CAV1: variants seen among roughly 807,000 people sequenced by gnomAD.
CAV1 encodes caveolin 1.
In CAV1, 10 loss-of-function variants were observed where a neutral mutation model predicts 16.5. The ratio of observed to expected loss-of-function variants is 0.61; its 90% CI spans 0.37 to 1.03. The LOEUF (loss-of-function observed/expected upper bound fraction) is 1.03, where lower values mean the gene tolerates loss of function less well. Among genes scored for constraint, CAV1 ranks in the 50% least tolerant of loss-of-function variants. The pLI is 0.01. For missense variants in CAV1, 212 were observed against 232.8 expected (o/e 0.91, Z 0.58); for synonymous variants, 76 against 85.1 (o/e 0.89, Z 0.59).
chr7:116,559,009 G>T lies in CAV1; in HGVS notation c.259G>T (p.Ala87Ser). 1 of 1,613,862 alleles carries T rather than the reference G, an allele frequency of 6.2e-7. No homozygotes were observed. Among genetic ancestry groups the T allele is most frequent in the Non-Finnish European group, 8.5e-7 (1 of 1,179,906 alleles). ...ACACAGTTTTGACGGCATTTGGAAG[G>T]CCAGCTTCACCACCTTCACTGTGAC... ...GTHSFDGIWK[A>S]SFTTFTVTKY... The change falls in exon 3 of 3, where the codon GCC becomes TCC. Residue 87 changes from alanine to serine, a missense_variant. By Grantham distance (99) the Ala-to-Ser change is moderately conservative. Coordinates refer to ENST00000341049, the MANE Select transcript of CAV1 (RefSeq NM_001753.5).
chr7:116,559,348 A>G lies in CAV1; in HGVS notation c.*61A>G. 3.9e-6 allele frequency: 5 copies of G among 1,269,808 alleles called. No homozygotes were observed. Among genetic ancestry groups the G allele is most frequent in the East Asian group, 2.4e-5 (1 of 41,828 alleles). The allele number at this position is 1,269,808 out of a possible 1,614,324, so 78.7% of individuals were successfully genotyped here. On this transcript the variant is annotated 3_prime_UTR_variant, in exon 3 of 3. Transcript: ENST00000341049. ...TTTCCTTTTAATTTTCCTGGTGCCAATTTCAAGTTCCAAGTTGCTAATACA... is the reference window on the plus strand; with the variant it reads ...TTTCCTTTTAATTTTCCTGGTGCCAGTTTCAAGTTCCAAGTTGCTAATACA...
chr7:116,555,270 C>T (rs1253588632), intron 2 of CAV1, among the ~76,000 whole-genome samples: 1 of 151,540 alleles, frequency 6.6e-6, no homozygotes, highest in East Asian at 1.9e-4. Flanking sequence ...TAGTGAGACC[C>T]TCTCATCTCT....
At chr7:116,525,185 C>T in intron 1 of CAV1, 93 bp downstream of exon 1, 1 of 1,613,942 alleles carries the variant, frequency 6.2e-7, no homozygotes, top group Non-Finnish European at 8.5e-7. Flanking sequence ...CTGCCCTGGC[C>T]CCAGCCCTCT....
At position 116,533,211 on chromosome 7, in the gene CAV1, G is replaced by A. The variant is rs191554138; in HGVS notation, c.195+6522G>A. On this transcript the variant is annotated intron_variant, in intron 2 of 2. Transcript: ENST00000341049. ...AAAAATTAGCTGGGTGTGGTAGCGC[G>A]TGTTTAATCCCAGCTACTGGGGAAG... 3.3e-5 allele frequency among the ~76,000 whole-genome samples: 5 copies of A among 152,046 alleles called. No individual in the cohort carries two copies. The East Asian group carries it at 5.8e-4, about 18-fold the overall frequency.
chr7:116,554,362 A>G (rs181696381), intron 2 of CAV1, among the ~76,000 whole-genome samples: 2 of 152,298 alleles, frequency 1.3e-5, no homozygotes, highest in Non-Finnish European at 2.9e-5. Context: ...ATAAACTCAC[A>G]CAGAGATACC....
intron 2 of CAV1, among the ~76,000 whole-genome samples, chr7:116,551,575 G>T (rs1794163181): frequency 6.6e-6 from 1 of 152,148 alleles, no homozygotes; most frequent in African/African-American, 2.4e-5. Flanking sequence ...ATAGAAAAGG[G>T]CAAGGAAGTA....
intron 1 of CAV1, 177 bp downstream of exon 1, chr7:116,525,269 A>C: frequency 6.3e-7 from 1 of 1,584,426 alleles, no homozygotes; most frequent in Non-Finnish European, 8.6e-7. Flanking sequence ...AAGAGAAGCC[A>C]GGAATGTTTT....
intron 2 of CAV1, among the ~76,000 whole-genome samples, chr7:116,530,987 A>G (rs1209524160): frequency 6.6e-6 from 1 of 152,242 alleles, no homozygotes; most frequent in Admixed American, 6.5e-5. Context: ...ATGTGAAATG[A>G]AGACAATGCG....
At chr7:116,529,677 A>G (rs1053827063) in intron 2 of CAV1, among the ~76,000 whole-genome samples, 1 of 152,208 alleles carries the variant, frequency 6.6e-6, no homozygotes, top group African/African-American at 2.4e-5. Flanking sequence ...CAGCATTATT[A>G]CCTATTTTAC....
intron 2 of CAV1, among the ~76,000 whole-genome samples, chr7:116,536,725 C>T (rs1178065712): frequency 2.6e-5 from 4 of 152,148 alleles, no homozygotes; most frequent in Non-Finnish European, 4.4e-5. Flanking sequence ...CCATTAAGGC[C>T]GGGCGCGGTG....
At chr7:116,555,236 C>T (rs1053285561) in intron 2 of CAV1, among the ~76,000 whole-genome samples, 1 of 151,750 alleles carries the variant, frequency 6.6e-6, no homozygotes, top group Non-Finnish European at 1.5e-5. Flanking sequence ...TGAGCTCAGG[C>T]GTTCAACATC....
At chr7:116,541,428 G>A (rs1793933094) in intron 2 of CAV1, among the ~76,000 whole-genome samples, 1 of 152,120 alleles carries the variant, frequency 6.6e-6, no homozygotes, top group Non-Finnish European at 1.5e-5. Flanking sequence ...TAATAGGAAA[G>A]GCTAGCACAC....
intron 2 of CAV1, among the ~76,000 whole-genome samples, chr7:116,527,989 A>T (rs369899461): frequency 6.6e-6 from 1 of 151,420 alleles, no homozygotes; most frequent in Non-Finnish European, 1.5e-5. Flanking sequence ...CAACAGCAAC[A>T]AAAGTACCTT....
rs1011949505 is a variant in CAV1, at chr7:116,528,841, A to T, written c.195+2152A>T. Reference sequence around the variant, plus strand: ...TTTATTTTTATTTATTTATTTATTTATTTTTTGAGACGGAGTCTCACTCTG... The same window carrying T: ...TTTATTTTTATTTATTTATTTATTTTTTTTTTGAGACGGAGTCTCACTCTG... On this transcript the variant is annotated intron_variant, in intron 2 of 2. Coordinates refer to ENST00000341049, the MANE Select transcript of CAV1 (RefSeq NM_001753.5). Among the ~76,000 whole-genome samples, 11 of 151,746 alleles carry T rather than the reference A, an allele frequency of 7.2e-5. 1 individual carries two copies. In the East Asian group the frequency reaches 9.7e-4, roughly 13 times the overall value.
At chr7:116,546,702 A>AAAAAAAAAATAATAAAT (rs1554356432) in intron 2 of CAV1, among the ~76,000 whole-genome samples, 2 of 142,952 alleles carry the variant, frequency 1.4e-5, no homozygotes, top group Non-Finnish European at 3.1e-5. Context: ...TGTCACAAAA[A>AAAAAAAAAATAATAAAT]AAAAAAAAAA....
chr7:116,528,026 A>G (rs1452834589), intron 2 of CAV1, among the ~76,000 whole-genome samples: 3 of 151,682 alleles, frequency 2.0e-5, no homozygotes, highest in Non-Finnish European at 4.4e-5. Flanking sequence ...AATTGCTAAA[A>G]AACTATTTAC....
Position 116,559,710 on chromosome 7 carries a change from G to T in CAV1, c.*423G>T. ...GGGAAGAATTCCAGGGTATGGCCATGGAGTGTACAAGTATGTGGGCAGATT... is the reference window on the plus strand; with the variant it reads ...GGGAAGAATTCCAGGGTATGGCCATTGAGTGTACAAGTATGTGGGCAGATT... On this transcript the variant is annotated 3_prime_UTR_variant, in exon 3 of 3. Transcript: ENST00000341049. 2.0e-6 allele frequency: 1 copy of T among 508,002 alleles called. No individual in the cohort carries two copies. Among genetic ancestry groups the T allele is most frequent in the Non-Finnish European group, 3.4e-6 (1 of 293,724 alleles). 31.5% of individuals were successfully genotyped at this position (508,002 alleles called of 1,614,324 possible). A position where few individuals can be genotyped will look rare whatever the true frequency, so the allele number is the denominator to read the frequency against.
At chr7:116,541,580 A>G (rs1024721212) in intron 2 of CAV1, among the ~76,000 whole-genome samples, 2 of 151,956 alleles carry the variant, frequency 1.3e-5, no homozygotes, top group Non-Finnish European at 2.9e-5. Context: ...GTGAAACCTC[A>G]TGTCTACAAA....
At chr7:116,534,395 A>ATTTTTTTTTTTTTTTTTTTTTTTTT (rs1159703159) in intron 2 of CAV1, among the ~76,000 whole-genome samples, 1 of 7,844 alleles carries the variant, frequency 1.3e-4, no homozygotes. Context: ...ATATATATAT[A>ATTTTTTTTTTTTTTTTTTTTTTTTT]TTTTTTTTTT....
Sources: allele counts gnomAD v4.1 joint callset (sites outside exome capture counted in the v4.1 genomes callset), GRCh38; gene constraint gnomAD v4.1.1; transcripts MANE v1.5; gene names NCBI Gene and HGNC (gene_info 2026-07-23, HGNC 2026-07-21).